The following VPS8 variants were observed in gnomAD, a reference collection of about 807,000 sequenced individuals.
VPS8 encodes the protein VPS8 subunit of CORVET complex.
A neutral mutation model predicts 216.4 loss-of-function variants in VPS8; 129 were observed. The observed-to-expected ratio is 0.60, with a 90% CI of 0.52 to 0.69. The LOEUF (loss-of-function observed/expected upper bound fraction) is 0.69. VPS8 is among the 30% of genes least tolerant of loss of function. The probability of loss-of-function intolerance (pLI) is 0.00; values close to 1 mark genes in which losing one functional copy is unlikely to be tolerated. For missense variants in VPS8, 1,531 were observed against 1,683.5 expected, an observed-to-expected ratio of 0.91 and a Z score of 1.59; for synonymous variants, 571 against 565.4, an observed-to-expected ratio of 1.01 and a Z score of -0.14.
chr3:185,048,458 G>C (rs367846185), intron 46 of VPS8, 21 bp from the exon 47 acceptor site: 5 of 1,613,292 alleles, frequency 3.1e-6, no homozygotes, highest in Admixed American at 3.3e-5. Context: ...GTTGTTAATC[G>C]TATCGGTTTT....
At chr3:184,833,621 A>T (rs183949545) in intron 4 of VPS8, among the ~76,000 whole-genome samples, 1 of 152,308 alleles carries the variant, frequency 6.6e-6, no homozygotes, top group East Asian at 1.9e-4. Context: ...GCATGGCATC[A>T]GTCTGGGCCA....
intron 35 of VPS8, among the ~76,000 whole-genome samples, chr3:184,937,645 C>T (rs1453285917): frequency 6.6e-6 from 1 of 152,092 alleles, no homozygotes; most frequent in African/African-American, 2.4e-5. Flanking sequence ...CCCAGAGATC[C>T]CTAATCTGGT....
intron 29 of VPS8, among the ~76,000 whole-genome samples, chr3:184,921,402 TAGAA>T (rs919616238): frequency 6.6e-6 from 1 of 152,156 alleles, no homozygotes; most frequent in Non-Finnish European, 1.5e-5. Context: ...AGCCTGAATG[TAGAA>T]AGAGATGAAG....
At chr3:184,937,805 G>A (rs925541348) in intron 35 of VPS8, among the ~76,000 whole-genome samples, 1 of 152,220 alleles carries the variant, frequency 6.6e-6, no homozygotes, top group Non-Finnish European at 1.5e-5. Flanking sequence ...TCAGCAGGGG[G>A]TGATGGTGGA....
intron 37 of VPS8, among the ~76,000 whole-genome samples, chr3:184,958,839 A>T (rs749099857): frequency 1.1e-4 from 17 of 152,122 alleles, no homozygotes; most frequent in Non-Finnish European, 4.4e-5. Flanking sequence ...TTTCTGAAAT[A>T]GTTTTTTCTC....
intron 46 of VPS8, among the ~76,000 whole-genome samples, chr3:185,043,071 G>A (rs546095346): frequency 2.6e-5 from 4 of 152,148 alleles, no homozygotes; most frequent in South Asian, 2.1e-4. Context: ...GTAGGCACTC[G>A]GGCAGATGTA....
chr3:184,952,531 TA>T (rs377548358), intron 36 of VPS8, among the ~76,000 whole-genome samples: 80,554 of 151,978 alleles, frequency 0.53, 22,660 homozygotes, highest in Middle Eastern at 0.69. Flanking sequence ...AAGCTGAAAA[TA>T]AGCAGTTCAA....
intron 44 of VPS8, among the ~76,000 whole-genome samples, chr3:184,998,590 A>G (rs1752966261): frequency 6.9e-6 from 1 of 145,558 alleles, no homozygotes; most frequent in Non-Finnish European, 1.5e-5. Flanking sequence ...TATAAAGACT[A>G]TAGAAAAGAA....
intron 46 of VPS8, among the ~76,000 whole-genome samples, chr3:185,048,175 T>C (rs575467339): frequency 7.9e-5 from 12 of 152,348 alleles, no homozygotes; most frequent in Admixed American, 5.2e-4. Flanking sequence ...TAACTAGCTC[T>C]GCATAATGGT....
intron 19 of VPS8, 58 bp from the exon 20 acceptor site, chr3:184,869,424 T>G: frequency 1.9e-6 from 3 of 1,539,608 alleles, no homozygotes; most frequent in Non-Finnish European, 2.7e-6. Flanking sequence ...AGACATAGTT[T>G]CACTCCTAAA....
At chr3:184,873,764 C>G (rs1159304278) in intron 21 of VPS8, among the ~76,000 whole-genome samples, 1 of 152,090 alleles carries the variant, frequency 6.6e-6, no homozygotes, top group Non-Finnish European at 1.5e-5. Context: ...TGTGTAATAT[C>G]ATTATGATTG....
chr3:184,941,419 T>C (rs1379571360), intron 36 of VPS8, among the ~76,000 whole-genome samples: 2 of 94,000 alleles, frequency 2.1e-5, no homozygotes, highest in Non-Finnish European at 4.2e-5. Context: ...GTAGACATCC[T>C]TTTTTTTTTT....
chr3:184,854,383 C>T (rs185514899), intron 13 of VPS8, among the ~76,000 whole-genome samples: 76 of 152,276 alleles, frequency 5.0e-4, no homozygotes, highest in Non-Finnish European at 6.3e-4. Context: ...GATCATGAGT[C>T]TTGTACTTTT....
chr3:184,910,867 C>T (rs1455141993), intron 25 of VPS8, among the ~76,000 whole-genome samples: 1 of 152,174 alleles, frequency 6.6e-6, no homozygotes, highest in Non-Finnish European at 1.5e-5. Flanking sequence ...CATGCTTCTG[C>T]TCAGTCCTCA....
chr3:184,834,906 G>T, intron 5 of VPS8, 164 bp downstream of exon 5: 1 of 532,362 alleles, frequency 1.9e-6, no homozygotes, highest in Non-Finnish European at 3.3e-6. Context: ...TATGAGACAT[G>T]GCTACACGTC....
chr3:184,824,519 TTTTG>T (rs1299766081), intron 1 of VPS8, 22 bp from the exon 2 acceptor site: 44 of 1,150,278 alleles, frequency 3.8e-5, no homozygotes, highest in Non-Finnish European at 5.4e-5. Flanking sequence ...TTTGTTTTGT[TTTTG>T]TTTTTTTCTT....
intron 39 of VPS8, 91 bp downstream of exon 39, chr3:184,966,804 T>A: frequency 1.1e-6 from 1 of 904,104 alleles, no homozygotes; most frequent in Non-Finnish European, 1.7e-6. Flanking sequence ...ATGTAATAAT[T>A]ACACTTGCAT....
At position 184,973,030 on chromosome 3, in the gene VPS8, A is replaced by G. The variant is rs1406910557; in HGVS notation, c.3420+1278A>G. 3.9e-5 allele frequency among the ~76,000 whole-genome samples: 6 copies of G among 152,340 alleles called. 1 individual carries two copies. Among genetic ancestry groups the G allele is most frequent in the Non-Finnish European group, 1.5e-5 (1 of 68,022 alleles). On this transcript the variant is annotated intron_variant, in intron 40 of 47. Coordinates refer to ENST00000625842, the MANE Select transcript of VPS8 (RefSeq NM_001009921.3). ...AAATTTCTCCTTTAAGTTTTTGTCCAGAATTTTTCAAGGTCATAAATTATG... is the reference window on the plus strand; with the variant it reads ...AAATTTCTCCTTTAAGTTTTTGTCCGGAATTTTTCAAGGTCATAAATTATG...
chr3:184,910,046 A>G (rs1736192967), intron 25 of VPS8, among the ~76,000 whole-genome samples: 1 of 150,446 alleles, frequency 6.6e-6, no homozygotes, highest in Non-Finnish European at 1.5e-5. Context: ...ATCCACACGC[A>G]TGGGTCAGGG....
Sources: allele counts gnomAD v4.1 joint callset (sites outside exome capture counted in the v4.1 genomes callset), GRCh38; gene constraint gnomAD v4.1.1; transcripts MANE v1.5; gene names NCBI Gene and HGNC (gene_info 2026-07-23, HGNC 2026-07-21).